HMHB1: variants seen among roughly 807,000 people sequenced by gnomAD.
HMHB1 encodes histocompatibility minor HB-1.
HMHB1 carries 4 observed loss-of-function variants against 2.4 expected under a neutral mutation model. The observed-to-expected ratio is 1.65, with a 90% confidence interval of 0.81 to 3.77. HMHB1 has a LOEUF of 3.77. Among genes scored for constraint, HMHB1 ranks in the 30% most tolerant of loss-of-function variants. HMHB1 has a pLI of 0.01. For missense variants in HMHB1, 57 were observed against 44.2 expected, an observed-to-expected ratio of 1.29 and a Z score of -0.82; for synonymous variants, 22 against 17.6, an observed-to-expected ratio of 1.25 and a Z score of -0.63.
chr5:143,812,937 G>T (rs1028667020), intron 1 of HMHB1, among the ~76,000 whole-genome samples: 1 of 144,822 alleles, frequency 6.9e-6, no homozygotes, highest in African/African-American at 2.6e-5. Flanking sequence ...TGGCAGAAAG[G>T]CCCTGCTGTC....
chr5:143,819,190 A>C (rs2126794391), intron 1 of HMHB1, among the ~76,000 whole-genome samples: 1 of 152,270 alleles, frequency 6.6e-6, no homozygotes, highest in South Asian at 2.1e-4. Flanking sequence ...AAGACTCACA[A>C]TATTTTAGTC....
chr5:143,820,576 G>A lies in HMHB1; in HGVS notation c.*8G>A, dbSNP rs747180764. 77 of 1,588,476 alleles carry A rather than the reference G, an allele frequency of 4.8e-5. No individual in the cohort carries two copies. Among genetic ancestry groups the A allele is most frequent in the Non-Finnish European group, 6.4e-5 (74 of 1,157,224 alleles). Reference sequence around the variant, plus strand: ...CTGACTTATAGGCTTTGACACTGCTGTTGAGGTTTGACTCGAAGCCCAGAG... The same window carrying A: ...CTGACTTATAGGCTTTGACACTGCTATTGAGGTTTGACTCGAAGCCCAGAG... On this transcript the variant is annotated 3_prime_UTR_variant, in exon 2 of 2. Transcript: ENST00000289448.
At chr5:143,816,611 G>C (rs535700604) in intron 1 of HMHB1, among the ~76,000 whole-genome samples, 1 of 152,120 alleles carries the variant, frequency 6.6e-6, no homozygotes, top group Non-Finnish European at 1.5e-5. Context: ...TGATTAATGG[G>C]CATTCGTATT....
At chr5:143,818,751 C>T (rs1759775232) in intron 1 of HMHB1, among the ~76,000 whole-genome samples, 1 of 152,064 alleles carries the variant, frequency 6.6e-6, no homozygotes, top group Non-Finnish European at 1.5e-5. Context: ...TGACACATAG[C>T]GAGTACTTGC....
chr5:143,819,279 T>A (rs2544835), intron 1 of HMHB1, among the ~76,000 whole-genome samples: 1 of 152,284 alleles, frequency 6.6e-6, no homozygotes, highest in African/African-American at 2.4e-5. Flanking sequence ...TATACATTAG[T>A]TGCCAACACT....
chr5:143,820,686 C>T lies in HMHB1; in HGVS notation c.*118C>T. ...GTGGAACATATGCCCTTTGCCTCTGCTCTGCACAGTGAAATGAAAAGTCAA... is the reference window on the plus strand; with the variant it reads ...GTGGAACATATGCCCTTTGCCTCTGTTCTGCACAGTGAAATGAAAAGTCAA... On this transcript the variant is annotated 3_prime_UTR_variant, in exon 2 of 2. Transcript: ENST00000289448. 1 of 618,848 alleles carries T rather than the reference C, an allele frequency of 1.6e-6. No individual in the cohort carries two copies. Among genetic ancestry groups the T allele is most frequent in the East Asian group, 2.7e-5 (1 of 36,744 alleles). The allele number at this position is 618,848 out of a possible 1,614,324, so 38.3% of individuals were successfully genotyped here. A position where few individuals can be genotyped will look rare whatever the true frequency, so the allele number is the denominator to read the frequency against.
chr5:143,815,266 A>T (rs1257224499), intron 1 of HMHB1, among the ~76,000 whole-genome samples: 1 of 152,200 alleles, frequency 6.6e-6, no homozygotes, highest in African/African-American at 2.4e-5. Flanking sequence ...ACAGAAATCC[A>T]ATCAGGGCCT....
rs1315983859 is a variant in HMHB1, at chr5:143,815,508, T to C, written c.37+3204T>C. On this transcript the variant is annotated intron_variant, in intron 1 of 1. Transcript: ENST00000289448. ...CCCTCTTCTACTTTTTACTTTTTCT[T>C]TTTTCCTTGTATTTTTTTCTTTTTT... 2.0e-5 allele frequency among the ~76,000 whole-genome samples: 3 copies of C among 152,034 alleles called. No individual in the cohort carries two copies. The East Asian group carries it at 5.8e-4, about 29-fold the overall frequency.
chr5:143,814,487 T>A (rs1759726689), intron 1 of HMHB1, among the ~76,000 whole-genome samples: 1 of 152,208 alleles, frequency 6.6e-6, no homozygotes, highest in African/African-American at 2.4e-5. Flanking sequence ...TTTCCATTTT[T>A]TGCGTTTCAG....
At chr5:143,816,015 A>G (rs1759746225) in intron 1 of HMHB1, among the ~76,000 whole-genome samples, 1 of 151,868 alleles carries the variant, frequency 6.6e-6, no homozygotes, top group Non-Finnish European at 1.5e-5. Flanking sequence ...CCTCTTTTCC[A>G]CTTTTAAGGG....
chr5:143,812,187 T>C lies in HMHB1; in HGVS notation c.-81T>C, dbSNP rs1581009869. The C allele has an allele frequency of 5.2e-6, 7 of 1,357,702 alleles. No homozygotes were observed. The East Asian group carries it at 1.5e-4, about 29-fold the overall frequency. The allele number at this position is 1,357,702 out of a possible 1,614,324, so 84.1% of individuals were successfully genotyped here. ...CACATCCCAGGAGGCCGAGGCGGCT[T>C]GCCCCGCATCTCAGAAGCCGGGCAG... On this transcript the variant is annotated 5_prime_UTR_variant, in exon 1 of 2. Transcript: ENST00000289448.
At chr5:143,819,355 A>G (rs1460827582) in intron 1 of HMHB1, among the ~76,000 whole-genome samples, 1 of 152,222 alleles carries the variant, frequency 6.6e-6, no homozygotes, top group Non-Finnish European at 1.5e-5. Flanking sequence ...GTCTACTACA[A>G]TATCCTGGCA....
chr5:143,816,767 A>C (rs1031464578), intron 1 of HMHB1, among the ~76,000 whole-genome samples: 2 of 152,174 alleles, frequency 1.3e-5, no homozygotes, highest in Admixed American at 6.5e-5. Context: ...TTAGTTCTTT[A>C]AAGAATCTTC....
In HMHB1 at chr5:143,819,709, A is replaced by G. The variant is rs1759787068; in HGVS notation, c.38-771A>G. Among the ~76,000 whole-genome samples, 3 of 151,774 alleles carry G rather than the reference A, an allele frequency of 2.0e-5. No homozygotes were observed. In the South Asian group the frequency reaches 6.2e-4, roughly 32 times the overall value. On this transcript the variant is annotated intron_variant, in intron 1 of 1. Coordinates refer to ENST00000289448, the MANE Select transcript of HMHB1 (RefSeq NM_021182.3). ...ACCCCATGTCTCAGTGTATACATTG[A>G]ACATTTAGATTTTATCCAGTTCCAA...
rs1759700965 is a variant in HMHB1, at chr5:143,812,298, A to C, written c.31A>C (p.Lys11Gln). ...GGAGCAGCCAGAATGCAGAGAAGAA[A>C]AAAGAGGTGAGGGAGCGAGGAGGAG... The change falls in exon 1 of 2, where the codon AAA becomes CAA. Residue 11 changes from lysine (K) to glutamine (Q), a missense_variant. By Grantham distance (53) the Lys-to-Gln change is moderately conservative (BLOSUM62 1). Coordinates refer to ENST00000289448, the MANE Select transcript of HMHB1 (RefSeq NM_021182.3). 6.4e-7 allele frequency: 1 copy of C among 1,551,652 alleles called. No homozygotes were observed. The highest frequency in any genetic ancestry group is 8.7e-7 in the Non-Finnish European group (1 of 1,146,984).
intron 1 of HMHB1, among the ~76,000 whole-genome samples, chr5:143,817,218 C>G (rs1395984166): frequency 2.0e-5 from 3 of 152,066 alleles, no homozygotes; most frequent in Non-Finnish European, 4.4e-5. Flanking sequence ...AATTAAGTCC[C>G]AGCTATTTAT....
chr5:143,818,763 AT>A (rs372966254), intron 1 of HMHB1, among the ~76,000 whole-genome samples: 2,745 of 150,028 alleles, frequency 0.018, 82 homozygotes, highest in African/African-American at 0.061. Context: ...AGTACTTGCT[AT>A]TTTTTTTTTC....
chr5:143,820,483 C>G lies in HMHB1; in HGVS notation c.41C>G (p.Ser14Cys). The G allele has an allele frequency of 6.2e-7, 1 of 1,601,214 alleles. No individual in the cohort carries two copies. The change falls in exon 2 of 2, where the codon TCT becomes TGT. Residue 14 changes from serine to cysteine, a missense_variant. Coordinates refer to ENST00000289448, the MANE Select transcript of HMHB1 (RefSeq NM_021182.3). ...GCTAAGCCATTCTTTTCTATAGGTT[C>G]TCTGCATGTTTGGAAGTCGGAATTG...
At chr5:143,819,851 C>T (rs1759788827) in intron 1 of HMHB1, among the ~76,000 whole-genome samples, 1 of 152,084 alleles carries the variant, frequency 6.6e-6, no homozygotes, top group African/African-American at 2.4e-5. Context: ...GCCCTTACAA[C>T]CTGGGCTTAT....
Sources: gnomAD v4.1 joint callset for allele counts (sites outside exome capture counted in the v4.1 genomes callset) on GRCh38, gnomAD v4.1.1 for gene constraint, MANE v1.5 for transcripts, NCBI Gene and HGNC (gene_info 2026-07-23, HGNC 2026-07-21) for gene names.